WRN: variants seen among roughly 807,000 people sequenced by gnomAD.
WRN encodes the protein bifunctional 3'-5' exonuclease/ATP-dependent helicase WRN.
In WRN, 149 loss-of-function variants were observed where a neutral mutation model predicts 180.7. That is an observed-to-expected ratio of 0.82 (90% CI 0.72 to 0.94). The LOEUF (loss-of-function observed/expected upper bound fraction) is 0.94, where lower values mean the gene tolerates loss of function less well. Among genes scored for constraint, WRN ranks in the 40% least tolerant of loss-of-function variants. The pLI is 0.00. For synonymous variants in WRN, 548 were observed against 568.9 expected (o/e 0.96, Z 0.52); for missense variants, 1,661 against 1,700.1 (o/e 0.98, Z 0.40).
intron 33 of WRN, among the ~76,000 whole-genome samples, chr8:31,160,140 G>C (rs1803555028): frequency 1.3e-5 from 2 of 152,232 alleles, no homozygotes; most frequent in South Asian, 4.1e-4. Flanking sequence ...ATTTATATTT[G>C]ACAGTATCTT....
At chr8:31,036,552 G>C (rs926964908) in intron 1 of WRN, among the ~76,000 whole-genome samples, 9 of 152,254 alleles carry the variant, frequency 5.9e-5, no homozygotes, top group African/African-American at 1.9e-4. Flanking sequence ...ATTCTAACAG[G>C]TGTGAGGTGA....
At chr8:31,059,649 C>T (rs1373916047) in intron 3 of WRN, among the ~76,000 whole-genome samples, 1 of 152,078 alleles carries the variant, frequency 6.6e-6, no homozygotes, top group Non-Finnish European at 1.5e-5. Context: ...TTTAAATGCA[C>T]CTTTATATTT....
At chr8:31,079,820 A>T (rs1292302136) in intron 8 of WRN, among the ~76,000 whole-genome samples, 5 of 152,160 alleles carry the variant, frequency 3.3e-5, no homozygotes, top group Non-Finnish European at 5.9e-5. Context: ...TGCAGTTGAG[A>T]CTAGTAATTG....
At chr8:31,060,763 G>A (rs2737317) in intron 3 of WRN, among the ~76,000 whole-genome samples, 10,423 of 152,240 alleles carry the variant, frequency 0.068, 571 homozygotes, top group East Asian at 0.22. Flanking sequence ...CAGCATTGCT[G>A]TAGTATGTCA....
chr8:31,139,514 G>C (rs188843942), intron 24 of WRN, among the ~76,000 whole-genome samples: 49 of 152,266 alleles, frequency 3.2e-4, no homozygotes, highest in African/African-American at 1.2e-3. Flanking sequence ...TGATCAAGAA[G>C]CCATCTGTCA....
At chr8:31,078,670 A>G (rs759653324) in intron 8 of WRN, among the ~76,000 whole-genome samples, 5 of 152,330 alleles carry the variant, frequency 3.3e-5, no homozygotes, top group South Asian at 2.1e-4. Context: ...GGCAGTGTAT[A>G]GTACTGCTTA....
At chr8:31,143,767 C>G (rs1157803920) in intron 28 of WRN, 144 bp downstream of exon 28, 2 of 591,910 alleles carry the variant, frequency 3.4e-6, no homozygotes, top group African/African-American at 3.8e-5. Flanking sequence ...TTAGAATGAT[C>G]AAAGTGAGCT....
intron 8 of WRN, 148 bp from the exon 9 acceptor site, chr8:31,080,719 C>T: frequency 1.5e-6 from 1 of 652,058 alleles, no homozygotes; most frequent in Non-Finnish European, 2.6e-6. Context: ...TATATATGGG[C>T]ATTAGGGAAT....
rs550609093 is a variant in WRN, at chr8:31,092,993, A to G, written c.1898+1095A>G. ...AGGGTCTCCTTCTGTCACCCAGGCT[A>G]GAGTACAGTGGCGCAATCATAGCTT... is the stretch of plus-strand genomic sequence containing the variant. On this transcript the variant is annotated intron_variant, in intron 16 of 34. Coordinates refer to ENST00000298139, the MANE Select transcript of WRN (RefSeq NM_000553.6). Among the ~76,000 whole-genome samples the G allele has an allele frequency of 5.9e-5, 9 of 152,162 alleles. 1 individual carries two copies. The South Asian group carries it at 1.9e-3, about 32-fold the overall frequency.
At chr8:31,140,353 A>T (rs949790037) in intron 24 of WRN, among the ~76,000 whole-genome samples, 3 of 152,120 alleles carry the variant, frequency 2.0e-5, no homozygotes, top group African/African-American at 7.2e-5. Flanking sequence ...GTAGTATTTA[A>T]ATGTGTAGGA....
At chr8:31,036,751 T>C (rs1811466477) in intron 1 of WRN, among the ~76,000 whole-genome samples, 1 of 152,250 alleles carries the variant, frequency 6.6e-6, no homozygotes, top group African/African-American at 2.4e-5. Context: ...TTAAACATTT[T>C]GGAAATTAAC....
chr8:31,080,852 T>A lies in WRN; in HGVS notation c.840-15T>A, dbSNP rs1813273353. On this transcript the variant is annotated splice_polypyrimidine_tract_variant and intron_variant, in intron 8 of 34. Coordinates refer to ENST00000298139, the MANE Select transcript of WRN (RefSeq NM_000553.6). ...CAATTGAAGTTGAATTAATCTTTCT[T>A]AATTTTTTTTTTAGGGTTTCTATCT... 2.5e-6 allele frequency: 4 copies of A among 1,582,490 alleles called. No individual in the cohort carries two copies. The highest frequency in any genetic ancestry group is 3.4e-6 in the Non-Finnish European group (4 of 1,163,190).
rs976087461 is a variant in WRN, at chr8:31,149,694, T to C, written c.3573-647T>C. 9.2e-5 allele frequency among the ~76,000 whole-genome samples: 14 copies of C among 151,862 alleles called. 1 individual carries two copies. The South Asian group carries it at 1.2e-3, about 14-fold the overall frequency. Reference sequence around the variant, plus strand: ...TTCACTGTGTTGTCCAGGCTGGTGTTGAACTCCTGAGCTCAGGCAATCCAC... The same window carrying C: ...TTCACTGTGTTGTCCAGGCTGGTGTCGAACTCCTGAGCTCAGGCAATCCAC... On this transcript the variant is annotated intron_variant, in intron 30 of 34. Transcript: ENST00000298139.
chr8:31,170,292 C>G (rs192384021), intron 34 of WRN, among the ~76,000 whole-genome samples: 105 of 151,924 alleles, frequency 6.9e-4, no homozygotes, highest in African/African-American at 2.5e-3. Context: ...TTCCCAGTAC[C>G]CTCTCCTCCT....
At position 31,081,304 on chromosome 8, in the gene WRN, A is replaced by T. The variant is rs1320842728; in HGVS notation, c.1269+8A>T. ...GCTTATAAATCTACTGAGGTACTAAATAAAGAGGAAGCACATTTTTAGTTA... is the reference window on the plus strand; with the variant it reads ...GCTTATAAATCTACTGAGGTACTAATTAAAGAGGAAGCACATTTTTAGTTA... On this transcript the variant is annotated splice_region_variant and intron_variant, in intron 9 of 34. Transcript: ENST00000298139. 5.0e-6 allele frequency: 8 copies of T among 1,613,000 alleles called. No individual in the cohort carries two copies. The highest frequency in any genetic ancestry group is 5.9e-6 in the Non-Finnish European group (7 of 1,179,286).
At chr8:31,124,265 A>G (rs1295221825) in intron 21 of WRN, among the ~76,000 whole-genome samples, 1 of 152,090 alleles carries the variant, frequency 6.6e-6, no homozygotes, top group African/African-American at 2.4e-5. Flanking sequence ...CAGCTAAAGA[A>G]TTGATACTTG....
At chr8:31,128,624 C>A (rs11991385) in intron 23 of WRN, among the ~76,000 whole-genome samples, 76,919 of 152,008 alleles carry the variant, frequency 0.51, 20,149 homozygotes, top group South Asian at 0.68. Flanking sequence ...CTTTGGGAGG[C>A]CGAGGCGGGT....
chr8:31,045,007 G>A (rs1811805678), intron 1 of WRN, among the ~76,000 whole-genome samples: 1 of 152,188 alleles, frequency 6.6e-6, no homozygotes, highest in Non-Finnish European at 1.5e-5. Context: ...AAATGGTGAT[G>A]CCAGTTTCTT....
chr8:31,079,252 T>C (rs753501409), intron 8 of WRN, among the ~76,000 whole-genome samples: 7 of 152,184 alleles, frequency 4.6e-5, no homozygotes, highest in Non-Finnish European at 5.9e-5. Context: ...TAACTGGAAA[T>C]AACTCATGAA....
Sources: gnomAD v4.1 joint callset for allele counts (sites outside exome capture counted in the v4.1 genomes callset) on GRCh38, gnomAD v4.1.1 for gene constraint, MANE v1.5 for transcripts, NCBI Gene and HGNC (gene_info 2026-07-23, HGNC 2026-07-21) for gene names.